Variants in ARMC3 observed in about 807,000 individuals in gnomAD.
ARMC3 encodes the protein armadillo repeat-containing protein 3.
In ARMC3, 74 loss-of-function variants were observed where a neutral mutation model predicts 90.3. The observed-to-expected ratio is 0.82, with a 90% confidence interval of 0.68 to 0.99. ARMC3 has a LOEUF of 0.99. ARMC3 is among the 50% of genes least tolerant of loss of function. The probability of loss-of-function intolerance (pLI) is 0.00; values close to 1 mark genes in which losing one functional copy is unlikely to be tolerated. For missense variants in ARMC3, 958 were observed against 1,042.8 expected, an observed-to-expected ratio of 0.92 and a Z score of 1.12; for synonymous variants, 334 against 361.8, an observed-to-expected ratio of 0.92 and a Z score of 0.87.
At chr10:22,972,318 T>C (rs1183084086) in intron 8 of ARMC3, among the ~76,000 whole-genome samples, 1 of 152,194 alleles carries the variant, frequency 6.6e-6, no homozygotes, top group Non-Finnish European at 1.5e-5. Context: ...CTGTAGCTCT[T>C]ATATTTAGGT....
chr10:23,013,123 T>G (rs1162137408), intron 16 of ARMC3, among the ~76,000 whole-genome samples: 2 of 152,154 alleles, frequency 1.3e-5, no homozygotes, highest in African/African-American at 4.8e-5. Context: ...GGTCTCAAAC[T>G]CCTGGCCTCA....
At chr10:22,993,550 G>A (rs536985382) in intron 10 of ARMC3, among the ~76,000 whole-genome samples, 1 of 152,140 alleles carries the variant, frequency 6.6e-6, no homozygotes. Flanking sequence ...GATACCTGCA[G>A]CGAATTTCTG....
chr10:22,981,735 TG>T, intron 10 of ARMC3, 35 bp downstream of exon 10: 1 of 1,547,754 alleles, frequency 6.5e-7, no homozygotes, highest in Non-Finnish European at 8.9e-7. Context: ...CACTGACTTG[TG>T]GGACAATTCA....
chr10:22,967,994 C>T (rs751503694), intron 7 of ARMC3, among the ~76,000 whole-genome samples: 9 of 152,158 alleles, frequency 5.9e-5, no homozygotes, highest in Non-Finnish European at 1.2e-4. Flanking sequence ...AATGTTTTCT[C>T]CAGATTTCAA....
At chr10:23,006,078 C>T (rs995439425) in intron 13 of ARMC3, among the ~76,000 whole-genome samples, 1 of 152,036 alleles carries the variant, frequency 6.6e-6, no homozygotes, top group African/African-American at 2.4e-5. Context: ...AAATCTGGGG[C>T]TGGGGGAAGT....
chr10:22,942,354 G>A (rs898516107), intron 2 of ARMC3, among the ~76,000 whole-genome samples: 2 of 152,166 alleles, frequency 1.3e-5, no homozygotes, highest in African/African-American at 2.4e-5. Context: ...GTATTCTCAA[G>A]CATAATAGCA....
chr10:22,981,692 T>C lies in ARMC3; in HGVS notation c.1167T>C (p.Ala389=), dbSNP rs1173446388. ...ALANLTTCNP[A]NANAAAEADG... The stretch of plus-strand genomic sequence containing the variant: ...CAAACCTAACCACTTGCAACCCTGC[T>C]AATGCAAAGTAAGTTCAGAGATCCT... The change falls in exon 10 of 19, where the codon GCT becomes GCC. Residue 389 remains alanine (A), a synonymous_variant. Coordinates refer to ENST00000298032, the MANE Select transcript of ARMC3 (RefSeq NM_173081.5). 5 of 1,612,770 alleles carry C rather than the reference T, an allele frequency of 3.1e-6. No homozygotes were observed. Among genetic ancestry groups the C allele is most frequent in the Non-Finnish European group, 4.2e-6 (5 of 1,179,212 alleles).
At chr10:22,996,924 G>GT (rs375932608) in intron 10 of ARMC3, among the ~76,000 whole-genome samples, 22,131 of 147,022 alleles carry the variant, frequency 0.15, 1,700 homozygotes, top group Admixed American at 0.16. Context: ...AGCTTCAGTT[G>GT]TTTTTTTTTT....
At chr10:23,016,977 T>G (rs935744220) in intron 16 of ARMC3, among the ~76,000 whole-genome samples, 1 of 152,228 alleles carries the variant, frequency 6.6e-6, no homozygotes, top group African/African-American at 2.4e-5. Flanking sequence ...AGAAAACAGG[T>G]GAACCTATCT....
chr10:22,984,668 A>G (rs1044908820), intron 10 of ARMC3, among the ~76,000 whole-genome samples: 9 of 152,204 alleles, frequency 5.9e-5, no homozygotes, highest in Non-Finnish European at 1.2e-4. Flanking sequence ...TCATAGCCCT[A>G]TGTAGAAGAT....
intron 17 of ARMC3, 24 bp downstream of exon 17, chr10:23,030,820 G>A: frequency 1.9e-6 from 3 of 1,599,514 alleles, no homozygotes; most frequent in Non-Finnish European, 1.7e-6. Context: ...GTATATATGT[G>A]TTTTTAATTT....
chr10:23,002,243 C>T (rs1460071058), intron 12 of ARMC3, among the ~76,000 whole-genome samples, 188 bp downstream of exon 12: 1 of 152,222 alleles, frequency 6.6e-6, no homozygotes, highest in African/African-American at 2.4e-5. Context: ...CCCGATTCAC[C>T]GCTCCCTCAC....
rs1588950141 is a variant in ARMC3 at position 23,037,803 on chromosome 10, T to C, written c.*324T>C. On this transcript the variant is annotated 3_prime_UTR_variant, in exon 19 of 19. Transcript: ENST00000298032. ...GGAATCACATGTAGCACTCAGCTGC[T>C]GCACCCAGGACAACACTGTGGCCTC... 9.6e-6 allele frequency: 2 copies of C among 207,536 alleles called. No homozygotes were observed. Among genetic ancestry groups the C allele is most frequent in the East Asian group, 2.2e-4 (2 of 9,238 alleles). 12.9% of individuals were successfully genotyped at this position (207,536 alleles called of 1,614,324 possible).
At chr10:23,033,099 CTAACATTT>C (rs1477774575) in intron 18 of ARMC3, 76 bp downstream of exon 18, 5 of 1,394,842 alleles carry the variant, frequency 3.6e-6, no homozygotes, top group Admixed American at 4.2e-5. Context: ...AGGCCAGTTG[CTAACATTT>C]AACTGGATAT....
intron 3 of ARMC3, among the ~76,000 whole-genome samples, chr10:22,947,979 T>G (rs1236405108): frequency 3.3e-5 from 5 of 152,180 alleles, no homozygotes; most frequent in African/African-American, 1.2e-4. Flanking sequence ...AATATTAATT[T>G]AATTGAGAGT....
chr10:22,952,717 C>CAAGA (rs143288098), intron 3 of ARMC3, among the ~76,000 whole-genome samples: 8,737 of 151,970 alleles, frequency 0.057, 817 homozygotes, highest in African/African-American at 0.2. Flanking sequence ...CAGCAAAAGG[C>CAAGA]AAGAAAGAAA....
intron 4 of ARMC3, among the ~76,000 whole-genome samples, chr10:22,957,799 A>C (rs1317849845): frequency 2.0e-5 from 3 of 152,238 alleles, no homozygotes; most frequent in African/African-American, 7.2e-5. Context: ...ATCATAATGA[A>C]TGTTTAACCA....
In ARMC3 at chr10:22,959,166, A is replaced by T. The variant is rs567282223; in HGVS notation, c.361+28A>T. On this transcript the variant is annotated intron_variant, in intron 5 of 18. Coordinates refer to ENST00000298032, the MANE Select transcript of ARMC3 (RefSeq NM_173081.5). The stretch of plus-strand genomic sequence containing the variant: ...AACTTTGCATTCTATATCTGTTTTA[A>T]AAAATGGAACTGGTTTTTTACACTT... 20 of 1,583,394 alleles carry T rather than the reference A, an allele frequency of 1.3e-5. No individual in the cohort carries two copies. In the South Asian group the frequency reaches 1.8e-4, roughly 14 times the overall value.
At chr10:22,959,260 G>C in intron 5 of ARMC3, 122 bp downstream of exon 5, 1 of 1,313,996 alleles carries the variant, frequency 7.6e-7, no homozygotes, top group East Asian at 2.4e-5. Flanking sequence ...TCAAACCACA[G>C]CTCAATTTTG....
Sources: allele counts gnomAD v4.1 joint callset (sites outside exome capture counted in the v4.1 genomes callset), GRCh38; gene constraint gnomAD v4.1.1; transcripts MANE v1.5; gene names NCBI Gene and HGNC (gene_info 2026-07-23, HGNC 2026-07-21).